Variants in DTD1 observed in about 807,000 individuals in gnomAD.
DTD1 encodes D-tyrosyl-tRNA deacylase 1 homolog.
DTD1 carries 13 observed loss-of-function variants against 25.6 expected under a neutral mutation model. That is an observed-to-expected ratio of 0.51 (90% CI 0.33 to 0.81). The LOEUF (loss-of-function observed/expected upper bound fraction) is 0.81, where lower values mean the gene tolerates loss of function less well. DTD1 is among the 30% of genes least tolerant of loss of function. The probability of loss-of-function intolerance (pLI) is 0.02; values close to 1 mark genes in which losing one functional copy is unlikely to be tolerated. For synonymous variants in DTD1, 110 were observed against 103.6 expected (o/e 1.06, Z -0.37); for missense variants, 193 against 266.4 (o/e 0.72, Z 1.92).
intron 4 of DTD1, among the ~76,000 whole-genome samples, chr20:18,644,090 T>A (rs1416483409): frequency 6.6e-6 from 1 of 152,204 alleles, no homozygotes; most frequent in African/African-American, 2.4e-5. Flanking sequence ...ATGGAGTTGG[T>A]CGCAATTTTT....
At chr20:18,727,647 G>T (rs1264729967) in intron 4 of DTD1, among the ~76,000 whole-genome samples, 1 of 152,096 alleles carries the variant, frequency 6.6e-6, no homozygotes, top group African/African-American at 2.4e-5. Flanking sequence ...ACCATGAGAA[G>T]ACCCCTGTTT....
intron 5 of DTD1, among the ~76,000 whole-genome samples, chr20:18,753,398 A>G (rs1232138750): frequency 1.3e-5 from 2 of 152,110 alleles, no homozygotes; most frequent in Non-Finnish European, 2.9e-5. Flanking sequence ...ACCTGAGGTC[A>G]GGAGTTCAAG....
At chr20:18,621,768 TA>T (rs1044160692) in intron 3 of DTD1, among the ~76,000 whole-genome samples, 7 of 152,082 alleles carry the variant, frequency 4.6e-5, no homozygotes, top group African/African-American at 1.7e-4. Context: ...TTTACTTTTT[TA>T]AAAAAATTTT....
intron 4 of DTD1, among the ~76,000 whole-genome samples, chr20:18,645,086 G>C (rs1600340642): frequency 6.6e-6 from 1 of 152,150 alleles, no homozygotes; most frequent in African/African-American, 2.4e-5. Flanking sequence ...GGGGGTTGAG[G>C]CCACAGTGAG....
intron 5 of DTD1, among the ~76,000 whole-genome samples, chr20:18,754,076 C>T (rs529782373): frequency 4.6e-5 from 7 of 152,150 alleles, no homozygotes; most frequent in Non-Finnish European, 7.4e-5. Context: ...AAATCTTGGT[C>T]CTTTTAACAG....
intron 3 of DTD1, among the ~76,000 whole-genome samples, chr20:18,607,417 C>G (rs2060664678): frequency 6.6e-6 from 1 of 152,112 alleles, no homozygotes; most frequent in Non-Finnish European, 1.5e-5. Context: ...TGTCTAGGCC[C>G]CAAAGTGCTG....
At chr20:18,731,782 C>T (rs1264801121) in intron 4 of DTD1, among the ~76,000 whole-genome samples, 5 of 152,200 alleles carry the variant, frequency 3.3e-5, no homozygotes, top group African/African-American at 9.6e-5. Context: ...AACTGTTATG[C>T]ACCACAAAGC....
At chr20:18,739,905 T>G (rs1280210575) in intron 4 of DTD1, among the ~76,000 whole-genome samples, 1 of 151,746 alleles carries the variant, frequency 6.6e-6, no homozygotes, top group Non-Finnish European at 1.5e-5. Flanking sequence ...CATATGTGGT[T>G]GGGTTGTTTT....
intron 2 of DTD1, among the ~76,000 whole-genome samples, chr20:18,594,545 C>A (rs1485944410): frequency 6.6e-6 from 1 of 152,166 alleles, no homozygotes; most frequent in Non-Finnish European, 1.5e-5. Flanking sequence ...GCACCTCCTC[C>A]CCTCCATTAC....
intron 4 of DTD1, among the ~76,000 whole-genome samples, chr20:18,659,684 A>G (rs1048847597): frequency 6.6e-6 from 1 of 152,164 alleles, no homozygotes; most frequent in African/African-American, 2.4e-5. Context: ...GTTCTCACTC[A>G]TAAGTGGGAG....
chr20:18,740,226 G>A (rs1017254642), intron 4 of DTD1, among the ~76,000 whole-genome samples: 2 of 146,668 alleles, frequency 1.4e-5, no homozygotes, highest in Non-Finnish European at 3.0e-5. Flanking sequence ...AACAGGCTGG[G>A]TCACAAAGAG....
chr20:18,642,287 T>C (rs960660656), intron 4 of DTD1, among the ~76,000 whole-genome samples: 3 of 152,166 alleles, frequency 2.0e-5, no homozygotes, highest in Non-Finnish European at 4.4e-5. Flanking sequence ...TTACCAGTTA[T>C]CCCAAGGAGG....
At position 18,744,233 on chromosome 20, in the gene DTD1, C is replaced by T; in HGVS notation, c.611C>T (p.Ser204Phe). 6.2e-7 allele frequency: 1 copy of T among 1,612,156 alleles called. No homozygotes were observed. Among genetic ancestry groups the T allele is most frequent in the Non-Finnish European group, 8.5e-7 (1 of 1,179,996 alleles). The stretch of plus-strand genomic sequence containing the variant: ...AGCAGCGGGGCTGAGGGCGACGTGT[C>T]CTCTGAACGGGAGCCGTAGCTCAGG... ...SASSGAEGDV[S>F]SEREP Residue 204 changes from serine (S) to phenylalanine (F), a missense_variant, in exon 5 of 6, where the codon TCC becomes TTC. Transcript: ENST00000377452.
chr20:18,637,752 T>C lies in DTD1; in HGVS notation c.477+9519T>C, dbSNP rs566015694. ...ACATTTAAACACACATGGGAAATTGTTAAGGGCTCATATTTTATGATGTAT... is the reference window on the plus strand; with the variant it reads ...ACATTTAAACACACATGGGAAATTGCTAAGGGCTCATATTTTATGATGTAT... On this transcript the variant is annotated intron_variant, in intron 4 of 5. Coordinates refer to ENST00000377452, the MANE Select transcript of DTD1 (RefSeq NM_080820.6). Among the ~76,000 whole-genome samples the C allele has an allele frequency of 7.9e-5, 12 of 152,344 alleles. No homozygotes were observed. The East Asian group carries it at 2.3e-3, about 29-fold the overall frequency.
chr20:18,702,691 G>T (rs1378872754), intron 4 of DTD1, among the ~76,000 whole-genome samples: 1 of 141,866 alleles, frequency 7.0e-6, no homozygotes, highest in Non-Finnish European at 1.5e-5. Flanking sequence ...TAGGAATCTG[G>T]TCACAAAGGT....
chr20:18,646,682 C>T (rs2060851632), intron 4 of DTD1, among the ~76,000 whole-genome samples: 1 of 152,182 alleles, frequency 6.6e-6, no homozygotes, highest in African/African-American at 2.4e-5. Flanking sequence ...AAACTGGTGA[C>T]TCTGTGGTGT....
chr20:18,709,623 G>C (rs1218702933), intron 4 of DTD1, among the ~76,000 whole-genome samples: 1 of 152,196 alleles, frequency 6.6e-6, no homozygotes, highest in African/African-American at 2.4e-5. Context: ...TGGGGGGACA[G>C]AATACCTAGG....
Position 18,755,974 on chromosome 20 carries a change from G to C in DTD1, c.*20-7386G>C, listed in dbSNP as rs144202410. On this transcript the variant is annotated intron_variant, in intron 5 of 5. Transcript: ENST00000377452. ...GAATGATCACCATTCTAACTGGTGT[G>C]AGATGGTATCTCATTGTGGTTTTGA... Among the ~76,000 whole-genome samples, 1,309 of 152,318 alleles carry C rather than the reference G, an allele frequency of 8.6e-3. 17 individuals carry two copies. Among genetic ancestry groups the C allele is most frequent in the African/African-American group, 0.03 (1,245 of 41,552 alleles).
chr20:18,639,944 T>A (rs1387480638), intron 4 of DTD1, among the ~76,000 whole-genome samples: 3 of 152,172 alleles, frequency 2.0e-5, no homozygotes, highest in African/African-American at 7.2e-5. Context: ...AAGGCTATTA[T>A]TAACCATTCG....
Sources: allele counts gnomAD v4.1 joint callset (sites outside exome capture counted in the v4.1 genomes callset), GRCh38; gene constraint gnomAD v4.1.1; transcripts MANE v1.5; gene names NCBI Gene and HGNC (gene_info 2026-07-23, HGNC 2026-07-21).